The following VTA1 variants were observed in gnomAD, a reference collection of about 807,000 sequenced individuals.
VTA1 encodes the protein vesicle trafficking 1, also known as vacuolar protein sorting-associated protein VTA1 homolog.
In VTA1, 24 loss-of-function variants were observed where a neutral mutation model predicts 36.9. The ratio of observed to expected loss-of-function variants is 0.65; its 90% CI spans 0.47 to 0.91. The LOEUF is 0.91. Among genes scored for constraint, VTA1 ranks in the 40% least tolerant of loss-of-function variants. The pLI is 0.00. For missense variants in VTA1, 393 were observed against 377.2 expected (o/e 1.04, Z -0.35); for synonymous variants, 142 against 130.2 (o/e 1.09, Z -0.62).
intron 4 of VTA1, among the ~76,000 whole-genome samples, chr6:142,180,996 T>C (rs1402012585): frequency 6.7e-6 from 1 of 149,556 alleles, no homozygotes; most frequent in African/African-American, 2.5e-5. Context: ...ATTTTCCGAT[T>C]TTTGAGATTG....
In VTA1 at chr6:142,167,778, C is replaced by T. The variant is rs533330115; in HGVS notation, c.207+1456C>T. On this transcript the variant is annotated intron_variant, in intron 2 of 7. Coordinates refer to ENST00000367630, the MANE Select transcript of VTA1 (RefSeq NM_016485.5). ...GAGCCTATCTGGCCTTGCATTTCTA[C>T]AGCTGCTTCTATGGATACAAGATAA... is the stretch of plus-strand genomic sequence containing the variant. Among the ~76,000 whole-genome samples, 3 of 152,348 alleles carry T rather than the reference C, an allele frequency of 2.0e-5. No individual in the cohort carries two copies. The South Asian group carries it at 6.2e-4, about 32-fold the overall frequency.
chr6:142,168,489 C>T (rs896721971), intron 2 of VTA1, among the ~76,000 whole-genome samples: 4 of 151,764 alleles, frequency 2.6e-5, no homozygotes, highest in Admixed American at 6.6e-5. Flanking sequence ...ATGCTCAGAT[C>T]TGATACTCCA....
chr6:142,157,777 A>G (rs1415015374), intron 1 of VTA1, among the ~76,000 whole-genome samples: 13 of 151,718 alleles, frequency 8.6e-5, no homozygotes, highest in Non-Finnish European at 1.6e-4. Context: ...TTTCACTGAA[A>G]TTCTTCATTG....
At chr6:142,215,254 C>T (rs951139224) in intron 7 of VTA1, among the ~76,000 whole-genome samples, 1 of 151,910 alleles carries the variant, frequency 6.6e-6, no homozygotes, top group East Asian at 1.9e-4. Context: ...TTGGCTAACA[C>T]GGTGAAACCC....
At position 142,204,048 on chromosome 6, in the gene VTA1, T is replaced by C; in HGVS notation, c.761T>C (p.Phe254Ser). The change falls in exon 7 of 8, where the codon TTC (phenylalanine) becomes TCC (serine). Residue 254 changes from phenylalanine to serine, a missense_variant. Physicochemically the swap from Phe to Ser is radical, Grantham distance 155. Transcript: ENST00000367630. ...ATACCTGCCATTGATCCCGCACTTT[T>C]CAATACAATTTCCCAGGGTAAGTCA... is the stretch of plus-strand genomic sequence containing the variant. ...QTIPAIDPAL[F>S]NTISQGDVRL... is the part of the protein sequence containing the mutation. The C allele has an allele frequency of 1.2e-6, 2 of 1,613,578 alleles. No homozygotes were observed. Among genetic ancestry groups the C allele is most frequent in the South Asian group, 2.2e-5 (2 of 91,076 alleles).
intron 3 of VTA1, 42 bp from the exon 4 acceptor site, chr6:142,170,304 G>A (rs1237082352): frequency 7.2e-7 from 1 of 1,384,154 alleles, no homozygotes; most frequent in Non-Finnish European, 9.9e-7. Context: ...ACATTTTAAT[G>A]TGTTTCATAT....
At chr6:142,212,309 C>T (rs1357447656) in intron 7 of VTA1, among the ~76,000 whole-genome samples, 1 of 152,120 alleles carries the variant, frequency 6.6e-6, no homozygotes, top group Non-Finnish European at 1.5e-5. Context: ...TGCAGTACAT[C>T]TAGACAATGG....
chr6:142,188,736 G>A (rs1775394871), intron 4 of VTA1, among the ~76,000 whole-genome samples: 1 of 113,024 alleles, frequency 8.8e-6, no homozygotes, highest in African/African-American at 3.3e-5. Context: ...AAAATTCTAA[G>A]AGATTTTTAT....
In VTA1 at chr6:142,221,574, AAAT is replaced by A. The variant is rs1776109187; in HGVS notation, c.*2935_*2937del. The A allele has an allele frequency of 6.6e-6, 1 of 151,944 alleles. No individual in the cohort carries two copies. Among genetic ancestry groups the A allele is most frequent in the South Asian group, 2.1e-4 (1 of 4,814 alleles). 9.4% of individuals were successfully genotyped at this position (151,944 alleles called of 1,614,324 possible). ...GTAGCCTGATGTGACTTAACTTTTG[AAAT>A]AATCATATTGGCTCCTATGTTGAGA... On this transcript the variant is annotated 3_prime_UTR_variant, in exon 8 of 8. Coordinates refer to ENST00000367630, the MANE Select transcript of VTA1 (RefSeq NM_016485.5).
At chr6:142,165,636 C>T (rs1405526016) in intron 1 of VTA1, among the ~76,000 whole-genome samples, 1 of 152,160 alleles carries the variant, frequency 6.6e-6, no homozygotes, top group Non-Finnish European at 1.5e-5. Flanking sequence ...GTGGTAACAG[C>T]AGTTACCACT....
chr6:142,160,538 C>G (rs981958480), intron 1 of VTA1, among the ~76,000 whole-genome samples: 30 of 152,062 alleles, frequency 2.0e-4, no homozygotes, highest in African/African-American at 7.2e-4. Flanking sequence ...TCCCTGAATT[C>G]ACTCCAGTGT....
chr6:142,167,583 C>A (rs1774943905), intron 2 of VTA1, among the ~76,000 whole-genome samples: 1 of 152,186 alleles, frequency 6.6e-6, no homozygotes, highest in South Asian at 2.1e-4. Context: ...ATGATTCAAA[C>A]AAGACTTATG....
At chr6:142,154,146 T>C (rs1778618082) in intron 1 of VTA1, among the ~76,000 whole-genome samples, 1 of 151,792 alleles carries the variant, frequency 6.6e-6, no homozygotes. Context: ...TAATATAACC[T>C]GCCTTCTCCT....
chr6:142,162,603 T>TA (rs1485302999), intron 1 of VTA1, among the ~76,000 whole-genome samples: 1 of 152,134 alleles, frequency 6.6e-6, no homozygotes, highest in Non-Finnish European at 1.5e-5. Flanking sequence ...GACTGATAAT[T>TA]ACGATATTTG....
chr6:142,163,351 C>T (rs1195083665), intron 1 of VTA1, among the ~76,000 whole-genome samples: 1 of 152,028 alleles, frequency 6.6e-6, no homozygotes, highest in Non-Finnish European at 1.5e-5. Flanking sequence ...TGTCATTCCC[C>T]CTTTTATGGA....
chr6:142,220,487 C>T lies in VTA1; in HGVS notation c.*1844C>T, dbSNP rs1776088405. The stretch of plus-strand genomic sequence containing the variant: ...GCCCTTCTCTGTAAAATGGAAATGA[C>T]ACCACTAGCCATCTCAATAGTTACA... On this transcript the variant is annotated 3_prime_UTR_variant, in exon 8 of 8. Coordinates refer to ENST00000367630, the MANE Select transcript of VTA1 (RefSeq NM_016485.5). The T allele has an allele frequency of 6.6e-6, 1 of 152,154 alleles. No individual in the cohort carries two copies. Among genetic ancestry groups the T allele is most frequent in the African/African-American group, 2.4e-5 (1 of 41,446 alleles). The allele number at this position is 152,154 out of a possible 1,614,324, so 9.4% of individuals were successfully genotyped here.
chr6:142,152,702 T>C (rs1191409628), intron 1 of VTA1, among the ~76,000 whole-genome samples: 1 of 152,136 alleles, frequency 6.6e-6, no homozygotes, highest in East Asian at 1.9e-4. Flanking sequence ...AGTATAGAAA[T>C]CACATTTTTT....
intron 5 of VTA1, 79 bp from the exon 6 acceptor site, chr6:142,198,360 T>C (rs1341826681): frequency 1.5e-6 from 2 of 1,326,638 alleles, no homozygotes; most frequent in Admixed American, 4.6e-5. Flanking sequence ...CCATTTGTCA[T>C]GTGTATAATG....
chr6:142,157,464 G>A (rs1778683153), intron 1 of VTA1, among the ~76,000 whole-genome samples: 1 of 152,112 alleles, frequency 6.6e-6, no homozygotes, highest in African/African-American at 2.4e-5. Context: ...GTTTGTTTTT[G>A]TGAACATATA....
Sources: allele counts gnomAD v4.1 joint callset (sites outside exome capture counted in the v4.1 genomes callset), GRCh38; gene constraint gnomAD v4.1.1; transcripts MANE v1.5; gene names NCBI Gene and HGNC (gene_info 2026-07-23, HGNC 2026-07-21).